The following MDGA2 variants were observed in gnomAD, a reference collection of about 807,000 sequenced individuals.
MDGA2 encodes the protein MAM domain-containing glycosylphosphatidylinositol anchor protein 2.
MDGA2 carries 40 observed loss-of-function variants against 117.8 expected under a neutral mutation model. The observed-to-expected ratio is 0.34, with a 90% CI of 0.26 to 0.44. MDGA2 has a LOEUF of 0.44. Ranked by LOEUF, MDGA2 falls within the 20% of genes least tolerant of loss-of-function variation. The probability of loss-of-function intolerance (pLI) is 1.00; values close to 1 mark genes in which losing one functional copy is unlikely to be tolerated. For missense variants in MDGA2, 1,123 were observed against 1,250.6 expected (o/e 0.90, Z 1.54); for synonymous variants, 452 against 439.0 (o/e 1.03, Z -0.37).
rs552156457 is a variant in MDGA2, at chr14:47,510,294, G to A, written c.280+164223C>T. ...CCTTGATTTCAAGCCTGCAGCCTCC[G>A]GAACTGTGAGAAATAAATTCCTGTT... On this transcript the variant is annotated intron_variant, in intron 1 of 16. Coordinates refer to ENST00000399232, the MANE Select transcript of MDGA2 (RefSeq NM_001113498.3). Among the ~76,000 whole-genome samples, 43 of 152,240 alleles carry A rather than the reference G, an allele frequency of 2.8e-4. 1 individual carries two copies. The South Asian group carries it at 6.6e-3, about 23-fold the overall frequency.
At chr14:46,974,099 T>A (rs576039886) in intron 8 of MDGA2, among the ~76,000 whole-genome samples, 132 of 151,634 alleles carry the variant, frequency 8.7e-4, no homozygotes, top group African/African-American at 3.2e-3. Context: ...ACAAAAAAAA[T>A]CCATTTATAA....
At chr14:46,974,285 T>C (rs1480854654) in intron 8 of MDGA2, among the ~76,000 whole-genome samples, 1 of 152,142 alleles carries the variant, frequency 6.6e-6, no homozygotes, top group Non-Finnish European at 1.5e-5. Context: ...ATATTGTTAA[T>C]ACGTCAAAAC....
chr14:47,236,573 T>C (rs960319222), intron 2 of MDGA2, among the ~76,000 whole-genome samples: 7 of 152,130 alleles, frequency 4.6e-5, no homozygotes, highest in African/African-American at 7.2e-5. Context: ...AGTGATGTCT[T>C]CTCAAATGCT....
At chr14:47,354,328 C>G (rs1890946290) in intron 1 of MDGA2, among the ~76,000 whole-genome samples, 1 of 152,136 alleles carries the variant, frequency 6.6e-6, no homozygotes, top group Non-Finnish European at 1.5e-5. Context: ...AAGTACCTAC[C>G]TGCAACCACT....
chr14:46,943,991 GA>G, intron 9 of MDGA2, among the ~76,000 whole-genome samples: 1 of 152,102 alleles, frequency 6.6e-6, no homozygotes, highest in Non-Finnish European at 1.5e-5. Flanking sequence ...CATTTATATA[GA>G]TGTTTATTAG....
chr14:47,492,759 AT>A, intron 1 of MDGA2, among the ~76,000 whole-genome samples: 1 of 151,878 alleles, frequency 6.6e-6, no homozygotes, highest in Non-Finnish European at 1.5e-5. Context: ...CATACAAGAA[AT>A]TTTTTTTACT....
intron 8 of MDGA2, among the ~76,000 whole-genome samples, chr14:47,004,991 T>TC (rs1392206731): frequency 6.6e-6 from 1 of 151,682 alleles, no homozygotes; most frequent in Non-Finnish European, 1.5e-5. Context: ...ATTTATTAGC[T>TC]CTAGTATCTT....
intron 1 of MDGA2, among the ~76,000 whole-genome samples, chr14:47,581,884 A>T (rs1292117820): frequency 1.3e-5 from 2 of 151,930 alleles, no homozygotes; most frequent in Admixed American, 6.6e-5. Context: ...TATTTTACAT[A>T]GCTGTTTCCC....
intron 1 of MDGA2, among the ~76,000 whole-genome samples, chr14:47,652,197 T>C (rs1897658512): frequency 6.6e-6 from 1 of 152,202 alleles, no homozygotes; most frequent in South Asian, 2.1e-4. Context: ...AGTTATCAAA[T>C]ATAATTATCT....
chr14:47,345,144 A>G (rs996786401), intron 1 of MDGA2, among the ~76,000 whole-genome samples: 7 of 152,070 alleles, frequency 4.6e-5, no homozygotes, highest in Admixed American at 4.6e-4. Flanking sequence ...AGCAAACCCC[A>G]TTTAATATAT....
intron 9 of MDGA2, among the ~76,000 whole-genome samples, chr14:46,920,960 G>A (rs1298558890): frequency 6.6e-6 from 1 of 152,152 alleles, no homozygotes; most frequent in Non-Finnish European, 1.5e-5. Context: ...ATTACGTATA[G>A]TGTATATACC....
At chr14:47,289,569 C>G (rs2139768523) in intron 2 of MDGA2, among the ~76,000 whole-genome samples, 1 of 151,940 alleles carries the variant, frequency 6.6e-6, no homozygotes, top group East Asian at 1.9e-4. Context: ...AATACAAAAT[C>G]CAATTCATCG....
intron 1 of MDGA2, among the ~76,000 whole-genome samples, chr14:47,652,697 A>T (rs1463174197): frequency 6.6e-6 from 1 of 152,190 alleles, no homozygotes; most frequent in Non-Finnish European, 1.5e-5. Context: ...TTGCATAAAA[A>T]ATTAGTACCT....
intron 8 of MDGA2, among the ~76,000 whole-genome samples, chr14:46,988,127 A>G (rs1036885432): frequency 6.6e-6 from 1 of 152,014 alleles, no homozygotes; most frequent in Non-Finnish European, 1.5e-5. Flanking sequence ...AGTGCCATAT[A>G]TGAATGTATG....
At chr14:47,553,832 G>T (rs1478042429) in intron 1 of MDGA2, among the ~76,000 whole-genome samples, 2 of 152,106 alleles carry the variant, frequency 1.3e-5, no homozygotes, top group Admixed American at 1.3e-4. Context: ...CACGTTAGGT[G>T]TTCAATAAAT....
chr14:46,845,302 C>G (rs1388540674), intron 16 of MDGA2, among the ~76,000 whole-genome samples: 1 of 152,174 alleles, frequency 6.6e-6, no homozygotes, highest in Admixed American at 6.5e-5. Context: ...TTCCTTAGGC[C>G]TCCCAGCCTT....
At chr14:47,147,802 A>T (rs777827073) in intron 3 of MDGA2, among the ~76,000 whole-genome samples, 4 of 152,128 alleles carry the variant, frequency 2.6e-5, no homozygotes, top group Non-Finnish European at 4.4e-5. Context: ...AAAAGGAACT[A>T]TAGTAGGACT....
rs555597673 is a variant in MDGA2, at chr14:46,858,553, G to A, written c.2753-3399C>T. 2.7e-5 allele frequency among the ~76,000 whole-genome samples: 4 copies of A among 150,032 alleles called. No homozygotes were observed. The East Asian group carries it at 5.9e-4, about 22-fold the overall frequency. Reference sequence around the variant, plus strand: ...CGCCATTCTCCTGCCTCAGCCTCCCGAGTAGCTGGGACTACAGGCGCCTGT... The same window carrying A: ...CGCCATTCTCCTGCCTCAGCCTCCCAAGTAGCTGGGACTACAGGCGCCTGT... On this transcript the variant is annotated intron_variant, in intron 14 of 16. Transcript: ENST00000399232.
intron 1 of MDGA2, among the ~76,000 whole-genome samples, chr14:47,496,320 A>G (rs749868687): frequency 5.3e-5 from 8 of 152,084 alleles, no homozygotes; most frequent in Non-Finnish European, 7.4e-5. Flanking sequence ...ATGGTTCACT[A>G]TAATGTCTAA....
Sources: allele counts gnomAD v4.1 joint callset (sites outside exome capture counted in the v4.1 genomes callset), GRCh38; gene constraint gnomAD v4.1.1; transcripts MANE v1.5; gene names NCBI Gene and HGNC (gene_info 2026-07-23, HGNC 2026-07-21).